The following NR3C1 variants were observed in gnomAD, a reference collection of about 807,000 sequenced individuals.
NR3C1 encodes the protein nuclear receptor subfamily 3 group C member 1.
In NR3C1, 14 loss-of-function variants were observed where a neutral mutation model predicts 74.0. The observed-to-expected ratio is 0.19, with a 90% confidence interval of 0.12 to 0.30. NR3C1 has a LOEUF of 0.30. NR3C1 is among the 10% of genes least tolerant of loss of function. The probability of loss-of-function intolerance (pLI) is 1.00; values close to 1 mark genes in which losing one functional copy is unlikely to be tolerated. For synonymous variants in NR3C1, 308 were observed against 332.5 expected, an observed-to-expected ratio of 0.93 and a Z score of 0.80; for missense variants, 695 against 909.8, an observed-to-expected ratio of 0.76 and a Z score of 3.04.
chr5:143,386,831 C>T (rs1257346682), intron 2 of NR3C1, among the ~76,000 whole-genome samples: 2 of 152,224 alleles, frequency 1.3e-5, no homozygotes, highest in East Asian at 3.8e-4. Flanking sequence ...TCTTGGATAA[C>T]AGACTGTGTA....
chr5:143,330,987 C>A (rs935830200), intron 2 of NR3C1, among the ~76,000 whole-genome samples: 11 of 152,072 alleles, frequency 7.2e-5, no homozygotes, highest in African/African-American at 2.7e-4. Context: ...AAAAAGGGCA[C>A]AAATAGCCAA....
intron 2 of NR3C1, among the ~76,000 whole-genome samples, chr5:143,387,723 T>C (rs1439586001): frequency 6.6e-6 from 1 of 152,208 alleles, no homozygotes; most frequent in Non-Finnish European, 1.5e-5. Flanking sequence ...TAACTCTTAG[T>C]AGAAGAGATG....
At chr5:143,351,414 AAATT>A (rs1439299458) in intron 2 of NR3C1, among the ~76,000 whole-genome samples, 2 of 152,202 alleles carry the variant, frequency 1.3e-5, no homozygotes, top group Admixed American at 1.3e-4. Context: ...GACTTTAAAA[AAATT>A]AAAGCCATTC....
chr5:143,395,999 A>G (rs1274591374), intron 2 of NR3C1, among the ~76,000 whole-genome samples: 2 of 151,960 alleles, frequency 1.3e-5, no homozygotes, highest in Non-Finnish European at 2.9e-5. Context: ...CATAAAATGT[A>G]TAAACATTAA....
chr5:143,349,943 A>G (rs1829950490), intron 2 of NR3C1, among the ~76,000 whole-genome samples: 1 of 152,148 alleles, frequency 6.6e-6, no homozygotes, highest in Non-Finnish European at 1.5e-5. Context: ...TGACAATGTG[A>G]TATTCAGCTG....
intron 2 of NR3C1, among the ~76,000 whole-genome samples, chr5:143,340,962 G>A (rs1828107400): frequency 6.6e-6 from 1 of 151,934 alleles, no homozygotes; most frequent in African/African-American, 2.4e-5. Flanking sequence ...TATCTTTTCT[G>A]CTCCTCTCCC....
rs1175302738 is a variant in NR3C1 at position 143,403,469 on chromosome 5, C to A, written c.-272G>T. On this transcript the variant is annotated 5_prime_UTR_variant, in exon 1 of 9. Coordinates refer to ENST00000394464, the MANE Select transcript of NR3C1 (RefSeq NM_000176.3). ...GTCGAGGTTCCGGGCGCGCGTGCCC[C>A]GTCCCGGTCCCAGCTGCTTCGGCCG... 7 of 985,178 alleles carry A rather than the reference C, an allele frequency of 7.1e-6. No homozygotes were observed. The highest frequency in any genetic ancestry group is 1.7e-5 in the African/African-American group (1 of 57,212). The allele number at this position is 985,178 out of a possible 1,614,324, so 61.0% of individuals were successfully genotyped here. A position where few individuals can be genotyped will look rare whatever the true frequency, so the allele number is the denominator to read the frequency against.
upstream of NR3C1, chr5:143,405,368 T>C (rs1008625335): frequency 6.1e-6 from 6 of 984,980 alleles, no homozygotes; most frequent in Middle Eastern, 5.2e-4. Flanking sequence ...CGGCTCCCCC[T>C]GCTCTGACAT....
intron 2 of NR3C1, among the ~76,000 whole-genome samples, chr5:143,358,688 G>T (rs1044387372): frequency 1.1e-4 from 17 of 151,984 alleles, no homozygotes; most frequent in Admixed American, 1.0e-3. Flanking sequence ...GATCACCTGA[G>T]GTCAGGAGTT....
intron 2 of NR3C1, among the ~76,000 whole-genome samples, chr5:143,356,096 T>C (rs1352868944): frequency 1.3e-5 from 2 of 152,204 alleles, no homozygotes; most frequent in South Asian, 2.1e-4. Context: ...CTCCAAAATA[T>C]TCCAATCCAC....
At chr5:143,406,222 T>A (rs1381674409), upstream of NR3C1, among the ~76,000 whole-genome samples, 3 of 151,976 alleles carry the variant, frequency 2.0e-5, no homozygotes, top group African/African-American at 7.2e-5. Context: ...CTGCTGAATC[T>A]CTGCTCTAAG....
intron 1 of NR3C1, among the ~76,000 whole-genome samples, chr5:143,433,356 A>G (rs1268331592): frequency 1.5e-5 from 1 of 68,310 alleles, no homozygotes; most frequent in East Asian, 4.1e-4. Context: ...CATTTGCCCA[A>G]GTGTCTCAGC....
At chr5:143,433,605 GCCT>G in intron 1 of NR3C1, 1 of 151,808 alleles carries the variant, frequency 6.6e-6, no homozygotes. Context: ...TGATCTGTAA[GCCT>G]CTCTCTTTTT....
intron 1 of NR3C1, among the ~76,000 whole-genome samples, chr5:143,430,213 A>G (rs776178948): frequency 6.6e-6 from 1 of 152,222 alleles, no homozygotes; most frequent in African/African-American, 2.4e-5. Context: ...ACATATACAC[A>G]CATACATATT....
At chr5:143,432,512 C>A (rs887030346) in intron 1 of NR3C1, among the ~76,000 whole-genome samples, 4 of 152,068 alleles carry the variant, frequency 2.6e-5, no homozygotes, top group Admixed American at 6.5e-5. Flanking sequence ...CACGTCAGCA[C>A]CCTTAGGCAT....
At position 143,400,772 on chromosome 5, in the gene NR3C1, C is replaced by G. The variant is rs6190; in HGVS notation, c.68G>C (p.Arg23Thr). The G allele has an allele frequency of 6.2e-7, 1 of 1,614,028 alleles. No homozygotes were observed. Among genetic ancestry groups the G allele is most frequent in the African/African-American group, 1.3e-5 (1 of 74,908 alleles). Residue 23 changes from arginine (R) to threonine (T), a missense_variant, in exon 2 of 9, where the codon AGG becomes ACG. Arg to Thr is a moderately conservative substitution (Grantham distance 71, BLOSUM62 -1). This residue lies in a region of NR3C1 where 497 missense variants were observed against 489.5 expected (regional missense o/e 1.02). Coordinates refer to ENST00000394464, the MANE Select transcript of NR3C1 (RefSeq NM_000176.3). ...ENPSSVLAQE[R>T]GDVMDFYKTL... ...TTTATAGAAGTCCATCACATCTCCC[C>G]TCTCCTGAGCAAGCACACTGCTGGG...
chr5:143,284,715 G>A (rs1017540488), intron 7 of NR3C1, among the ~76,000 whole-genome samples: 2 of 151,802 alleles, frequency 1.3e-5, no homozygotes, highest in African/African-American at 4.8e-5. Context: ...AGTACAGCCT[G>A]GAATTCCCCT....
chr5:143,359,905 G>A (rs796504138), intron 2 of NR3C1, among the ~76,000 whole-genome samples: 1 of 152,126 alleles, frequency 6.6e-6, no homozygotes, highest in East Asian at 1.9e-4. Flanking sequence ...GCCACAGAAC[G>A]AGACTCCGTC....
At chr5:143,383,403 T>C (rs770807701) in intron 2 of NR3C1, among the ~76,000 whole-genome samples, 20 of 152,248 alleles carry the variant, frequency 1.3e-4, no homozygotes, top group Non-Finnish European at 2.9e-4. Flanking sequence ...CTAGGTGTTA[T>C]AGTGAAAACG....
Sources: allele counts gnomAD v4.1 joint callset (sites outside exome capture counted in the v4.1 genomes callset), GRCh38; gene constraint gnomAD v4.1.1; regional missense constraint gnomAD v4.1.1; transcripts MANE v1.5; gene names NCBI Gene and HGNC (gene_info 2026-07-23, HGNC 2026-07-21).